POLD3: variants seen among roughly 807,000 people sequenced by gnomAD.
The protein encoded by POLD3 is DNA polymerase delta 3, accessory subunit.
Under a neutral mutation model 58.2 loss-of-function variants are expected in POLD3, and 19 were observed. That is an observed-to-expected ratio of 0.33 (90% CI 0.23 to 0.48). The LOEUF (loss-of-function observed/expected upper bound fraction) is 0.48. Ranked by LOEUF, POLD3 falls within the 20% of genes least tolerant of loss-of-function variation. The pLI, the probability that POLD3 is intolerant of heterozygous loss-of-function variation, is 0.99. For missense variants in POLD3, 504 were observed against 545.5 expected, an observed-to-expected ratio of 0.92 and a Z score of 0.76; for synonymous variants, 172 against 193.5, an observed-to-expected ratio of 0.89 and a Z score of 0.92.
intron 2 of POLD3, among the ~76,000 whole-genome samples, chr11:74,599,911 A>T (rs753015187): frequency 6.6e-6 from 1 of 152,042 alleles, no homozygotes; most frequent in Non-Finnish European, 1.5e-5. Context: ...AATCATGTGT[A>T]GGAAGTGTAT....
chr11:74,610,445 G>A (rs77266241), intron 3 of POLD3, among the ~76,000 whole-genome samples: 1 of 152,096 alleles, frequency 6.6e-6, no homozygotes, highest in Non-Finnish European at 1.5e-5. Context: ...TCTTGACCTC[G>A]TGATCTGCCT....
intron 1 of POLD3, 41 bp downstream of exon 1, chr11:74,592,759 G>A (rs375903729): frequency 9.3e-6 from 15 of 1,611,800 alleles, no homozygotes; most frequent in Non-Finnish European, 1.3e-5. Flanking sequence ...TGCGACCGGG[G>A]TCCTGGGCCC....
chr11:74,613,439 T>A (rs550444502), intron 5 of POLD3, among the ~76,000 whole-genome samples: 21 of 145,794 alleles, frequency 1.4e-4, no homozygotes, highest in South Asian at 8.7e-4. Flanking sequence ...GGTTTTTTTT[T>A]AAATCTTTTG....
intron 5 of POLD3, among the ~76,000 whole-genome samples, chr11:74,617,054 A>C (rs1244458650): frequency 6.6e-6 from 1 of 152,238 alleles, no homozygotes; most frequent in Non-Finnish European, 1.5e-5. Context: ...GAGGTCTTAC[A>C]TATGCTCAAT....
intron 4 of POLD3, among the ~76,000 whole-genome samples, chr11:74,664,253 A>ATT (rs2033239532): frequency 6.6e-6 from 1 of 152,220 alleles, no homozygotes; most frequent in Non-Finnish European, 1.5e-5. Context: ...CATCTACCAA[A>ATT]TGACCCAGCA....
rs1160990967 is a variant in POLD3 at position 74,641,668 on chromosome 11, TAC to T, written c.*904_*905del. 11 of 984,790 alleles carry T rather than the reference TAC, an allele frequency of 1.1e-5. No individual in the cohort carries two copies. Among genetic ancestry groups the T allele is most frequent in the Admixed American group, 6.2e-5 (1 of 16,254 alleles). The allele number at this position is 984,790 out of a possible 1,614,324, so 61.0% of individuals were successfully genotyped here. A position where few individuals can be genotyped will look rare whatever the true frequency, so the allele number is the denominator to read the frequency against. ...CTAAAAAGAGAAATCCCTTCCTATATACAGTGTGCTACATTTACAAAAAATTT... is the reference window on the plus strand; with the variant it reads ...CTAAAAAGAGAAATCCCTTCCTATATAGTGTGCTACATTTACAAAAAATTT... On this transcript the variant is annotated 3_prime_UTR_variant, in exon 12 of 12. Coordinates refer to ENST00000263681, the MANE Select transcript of POLD3 (RefSeq NM_006591.3).
In POLD3 at chr11:74,626,031, A is replaced by C. The variant is rs144183787; in HGVS notation, c.899+458A>C. 2.8e-3 allele frequency among the ~76,000 whole-genome samples: 433 copies of C among 152,308 alleles called. 3 individuals are homozygous for C. Among genetic ancestry groups the C allele is most frequent in the African/African-American group, 9.8e-3 (408 of 41,560 alleles). On this transcript the variant is annotated intron_variant, in intron 8 of 11. Transcript: ENST00000263681. ...TGGTAAAATGTAATTAGAAAAGAAA[A>C]TAAAAAGCACATAAAGCTATTAAAA...
intron 4 of POLD3, among the ~76,000 whole-genome samples, chr11:74,611,907 A>G (rs1253434433): frequency 6.6e-6 from 1 of 152,230 alleles, no homozygotes; most frequent in African/African-American, 2.4e-5. Flanking sequence ...AGACTTCTAA[A>G]TAACTTCTAA....
At chr11:74,654,140 A>G (rs12421429) in intron 4 of POLD3, among the ~76,000 whole-genome samples, 59,898 of 152,078 alleles carry the variant, frequency 0.39, 13,459 homozygotes, top group Non-Finnish European at 0.51. Context: ...AAGATGAGGG[A>G]TCACATTTCA....
At chr11:74,668,711 AG>A in intron 4 of POLD3, 1 of 1,126,560 alleles carries the variant, frequency 8.9e-7, no homozygotes, top group Non-Finnish European at 1.2e-6. Context: ...GAATGGGGTT[AG>A]GGGGTATAAT....
At position 74,634,672 on chromosome 11, in the gene POLD3, G is replaced by C; in HGVS notation, c.1096G>C (p.Glu366Gln). The change falls in exon 10 of 12, where the codon GAG (glutamate) becomes CAG (glutamine). Residue 366 changes from glutamate (E) to glutamine (Q), a missense_variant. By Grantham distance (29) the Glu-to-Gln change is conservative. Coordinates refer to ENST00000263681, the MANE Select transcript of POLD3 (RefSeq NM_006591.3). The part of the protein sequence containing the change: ...SPPLEPVPKT[E>Q]PEPPSVKSSS... ...ACCTCTTGAACCAGTGCCAAAGACT[G>C]AGCCTGAACCTCCTTCTGTCAAGGT... The C allele has an allele frequency of 6.2e-7, 1 of 1,608,764 alleles. No homozygotes were observed. The highest frequency in any genetic ancestry group is 8.5e-7 in the Non-Finnish European group (1 of 1,175,180).
chr11:74,629,352 G>T, intron 9 of POLD3, 29 bp downstream of exon 9: 1 of 1,303,430 alleles, frequency 7.7e-7, no homozygotes, highest in Non-Finnish European at 1.1e-6. Flanking sequence ...TTTGGGTTAG[G>T]GGGATCAATT....
intron 4 of POLD3, among the ~76,000 whole-genome samples, chr11:74,655,762 T>G (rs1275435848): frequency 6.6e-6 from 1 of 152,230 alleles, no homozygotes; most frequent in Admixed American, 6.5e-5. Context: ...TATCATACTT[T>G]GTGATGAAAT....
chr11:74,630,590 G>A (rs2032562804), intron 9 of POLD3, among the ~76,000 whole-genome samples: 1 of 152,218 alleles, frequency 6.6e-6, no homozygotes, highest in Admixed American at 6.5e-5. Context: ...GGCAAATGCT[G>A]TATTTTCATT....
chr11:74,664,461 A>G (rs894986012), intron 4 of POLD3, among the ~76,000 whole-genome samples: 1 of 152,224 alleles, frequency 6.6e-6, no homozygotes, highest in African/African-American at 2.4e-5. Flanking sequence ...TCTACCAAAC[A>G]CTTAGAGAAG....
rs564393384 is a variant in POLD3, at chr11:74,618,452, A to G, written c.393-85A>G. On this transcript the variant is annotated intron_variant, in intron 5 of 11. Coordinates refer to ENST00000263681, the MANE Select transcript of POLD3 (RefSeq NM_006591.3). ...AGTTTGAAAATAAAGTTTTATACTG[A>G]CATTAGTTTTTTTTTTCTTTTTTTG... The G allele has an allele frequency of 1.0e-3, 939 of 913,402 alleles. 12 individuals carry two copies. The South Asian group carries it at 0.015, about 14-fold the overall frequency. 56.6% of individuals were successfully genotyped at this position (913,402 alleles called of 1,614,324 possible).
intron 7 of POLD3, 25 bp from the exon 8 acceptor site, chr11:74,625,383 G>A (rs2032394211): frequency 1.3e-6 from 2 of 1,568,810 alleles, no homozygotes; most frequent in Non-Finnish European, 1.7e-6. Context: ...GGGGTCATAT[G>A]TCGTCTGCTA....
At chr11:74,610,949 GT>G (rs2031890369) in intron 3 of POLD3, among the ~76,000 whole-genome samples, 2 of 151,998 alleles carry the variant, frequency 1.3e-5, no homozygotes, top group African/African-American at 4.8e-5. Flanking sequence ...TAATTTTTGT[GT>G]TTTTAGTAGA....
intron 11 of POLD3, among the ~76,000 whole-genome samples, chr11:74,637,787 A>G (rs1307776864): frequency 3.4e-5 from 5 of 149,166 alleles, no homozygotes; most frequent in African/African-American, 1.2e-4. Context: ...GCAGCAGTGA[A>G]AACTGTGCTC....
Sources: gnomAD v4.1 joint callset for allele counts (sites outside exome capture counted in the v4.1 genomes callset) on GRCh38, gnomAD v4.1.1 for gene constraint, MANE v1.5 for transcripts, NCBI Gene and HGNC (gene_info 2026-07-23, HGNC 2026-07-21) for gene names.